The following LRRC27 variants were observed in gnomAD, a reference collection of about 807,000 sequenced individuals.
LRRC27 encodes leucine-rich repeat-containing protein 27.
LRRC27 carries 57 observed loss-of-function variants against 55.0 expected under a neutral mutation model. The observed-to-expected ratio is 1.04, with a 90% CI of 0.84 to 1.29. LRRC27 has a LOEUF of 1.29. LRRC27 is among the 50% of genes most tolerant of loss of function. The pLI, the probability that LRRC27 is intolerant of heterozygous loss-of-function variation, is 0.00. For missense variants in LRRC27, 721 were observed against 651.5 expected, an observed-to-expected ratio of 1.11 and a Z score of -1.16; for synonymous variants, 278 against 251.9, an observed-to-expected ratio of 1.10 and a Z score of -0.98.
chr10:132,355,738 C>T, intron 7 of LRRC27, 52 bp from the exon 8 acceptor site: 1 of 1,335,934 alleles, frequency 7.5e-7, no homozygotes, highest in Non-Finnish European at 1.1e-6. Context: ...AATCCTGTAG[C>T]CTTGGCTCGA....
chr10:132,346,368 CT>C (rs2067687600), intron 5 of LRRC27, among the ~76,000 whole-genome samples: 1 of 152,024 alleles, frequency 6.6e-6, no homozygotes, highest in African/African-American at 2.4e-5. Context: ...GTACTTTGTC[CT>C]TTCAATTACT....
chr10:132,331,802 G>C (rs762276894), upstream of LRRC27: 6 of 1,597,012 alleles, frequency 3.8e-6, no homozygotes, highest in Non-Finnish European at 8.5e-7. Flanking sequence ...GTCTCTACTT[G>C]CCCGTCGACC....
In LRRC27 at chr10:132,351,770, TG is replaced by T; in HGVS notation, c.1073+22del. ...GCAGAGACGGTGAGTCCACACAGGG[TG>T]GGGGTCCGCACAGCCCGCCCAGTGC... is the stretch of plus-strand genomic sequence containing the variant. On this transcript the variant is annotated intron_variant, in intron 7 of 10. Coordinates refer to ENST00000368614, the MANE Select transcript of LRRC27 (RefSeq NM_030626.3). The T allele has an allele frequency of 6.2e-7, 1 of 1,603,458 alleles. No individual in the cohort carries two copies. The highest frequency in any genetic ancestry group is 8.5e-7 in the Non-Finnish European group (1 of 1,174,694).
At chr10:132,364,209 C>T (rs376886268) in intron 9 of LRRC27, among the ~76,000 whole-genome samples, 35 of 151,964 alleles carry the variant, frequency 2.3e-4, no homozygotes, top group African/African-American at 6.3e-4. Flanking sequence ...CAAGCAAAAC[C>T]GGCACAAACC....
chr10:132,380,277 C>T lies in LRRC27; in HGVS notation c.*5035C>T, dbSNP rs181648452. On this transcript the variant is annotated 3_prime_UTR_variant, in exon 11 of 11. Coordinates refer to ENST00000368614, the MANE Select transcript of LRRC27 (RefSeq NM_030626.3). ...CGCCATTGCACTCCAGCCTGGGCAA[C>T]AAGAGCAAAACTCTGTCTCAAAAAA... Among the ~76,000 whole-genome samples the T allele has an allele frequency of 4.3e-3, 623 of 145,926 alleles. 12 individuals carry two copies. The highest frequency in any genetic ancestry group is 9.4e-3 in the East Asian group (48 of 5,114).
chr10:132,345,747 G>C (rs896834860), intron 5 of LRRC27, among the ~76,000 whole-genome samples: 2 of 152,180 alleles, frequency 1.3e-5, no homozygotes, highest in Non-Finnish European at 2.9e-5. Context: ...GGATGGAGGG[G>C]CAGAACCGTC....
At chr10:132,359,192 G>A (rs932363054) in intron 8 of LRRC27, among the ~76,000 whole-genome samples, 4 of 152,054 alleles carry the variant, frequency 2.6e-5, no homozygotes, top group African/African-American at 9.7e-5. Flanking sequence ...GCGTGGGATA[G>A]AGCATGGAGG....
rs1164465808 is a variant in LRRC27, at chr10:132,349,047, A to T, written c.926+691A>T. 8 of 1,606,480 alleles carry T rather than the reference A, an allele frequency of 5.0e-6. 1 individual carries two copies. The Admixed American group carries it at 1.4e-4, about 27-fold the overall frequency. ...TGGGCGTGGTAGGGCGTGCGCCTACACATATGGGAGGTATGTATCTGTGGT... is the reference window on the plus strand; with the variant it reads ...TGGGCGTGGTAGGGCGTGCGCCTACTCATATGGGAGGTATGTATCTGTGGT... On this transcript the variant is annotated intron_variant, in intron 6 of 10. Coordinates refer to ENST00000368614, the MANE Select transcript of LRRC27 (RefSeq NM_030626.3).
rs1403452007 is a variant in LRRC27 at position 132,374,158 on chromosome 10, G to C, written c.1417-908G>C. 7.3e-6 allele frequency among the ~76,000 whole-genome samples: 1 copy of C among 136,160 alleles called. No individual in the cohort carries two copies. Among genetic ancestry groups the C allele is most frequent in the Non-Finnish European group, 1.7e-5 (1 of 59,156 alleles). The allele number at this position is 136,160 out of a possible 152,430, so 89.3% of individuals were successfully genotyped here. On this transcript the variant is annotated intron_variant, in intron 10 of 10. Coordinates refer to ENST00000368614, the MANE Select transcript of LRRC27 (RefSeq NM_030626.3). The surrounding 1 kb of genome is among the most constrained non-coding windows in gnomAD (Gnocchi z 4.4). ...TATGGCTGCATGGTGAGGGGGTGCAGTGGCTCCAGGGACCTGCTGTGATAT... is the reference window on the plus strand; with the variant it reads ...TATGGCTGCATGGTGAGGGGGTGCACTGGCTCCAGGGACCTGCTGTGATAT...
In LRRC27 at chr10:132,333,549, G is replaced by A. The variant is rs779904424; in HGVS notation, c.25G>A (p.Val9Ile). The A allele has an allele frequency of 6.2e-7, 1 of 1,608,282 alleles. No homozygotes were observed. Among genetic ancestry groups the A allele is most frequent in the South Asian group, 1.1e-5 (1 of 90,648 alleles). MEGSSSYE[V>I]PSVAAADLEE... ...GATGGAGGGAAGCAGCTCCTACGAA[G>A]TTCCCTCTGTGGCTGCTGCTGATCT... Residue 9 changes from valine to isoleucine, a missense_variant, in exon 2 of 11, where the codon GTT (valine) becomes ATT (isoleucine). Coordinates refer to ENST00000368614, the MANE Select transcript of LRRC27 (RefSeq NM_030626.3).
chr10:132,336,876 G>T, intron 2 of LRRC27: 1 of 721,184 alleles, frequency 1.4e-6, no homozygotes, highest in Non-Finnish European at 2.5e-6. Context: ...GTAAAAATTA[G>T]CTATGATCCT....
chr10:132,364,362 C>T (rs1421199311), intron 9 of LRRC27, among the ~76,000 whole-genome samples: 1 of 120,846 alleles, frequency 8.3e-6, no homozygotes, highest in Non-Finnish European at 1.7e-5. Context: ...CCTCCACACC[C>T]GCGCTTACAC....
chr10:132,365,226 CG>C (rs1178978914), intron 9 of LRRC27, among the ~76,000 whole-genome samples, 197 bp from the exon 10 acceptor site: 3 of 152,220 alleles, frequency 2.0e-5, no homozygotes, highest in Non-Finnish European at 4.4e-5. Context: ...CCAGGCCCCC[CG>C]GCGTGAGTCT....
intron 6 of LRRC27, chr10:132,351,356 G>A (rs992119125): frequency 1.6e-5 from 7 of 442,036 alleles, no homozygotes; most frequent in Admixed American, 7.1e-5. Flanking sequence ...CGACTGTCAA[G>A]CGTCCCGGGA....
intron 8 of LRRC27, among the ~76,000 whole-genome samples, chr10:132,359,826 T>A (rs1564847749): frequency 6.6e-6 from 1 of 152,268 alleles, no homozygotes; most frequent in Non-Finnish European, 1.5e-5. Context: ...GGGCTTCACG[T>A]CAGTGGCATG....
chr10:132,350,691 C>T (rs2067964125), intron 6 of LRRC27: 1 of 152,578 alleles, frequency 6.6e-6, no homozygotes, highest in African/African-American at 2.4e-5. Flanking sequence ...AGATGTGCTG[C>T]TGGTGTGAGG....
At position 132,351,637 on chromosome 10, in the gene LRRC27, A is replaced by G. The variant is rs1590662156; in HGVS notation, c.957A>G (p.Leu319=). Residue 319 remains leucine, a synonymous_variant, in exon 7 of 11, where the codon TTA becomes TTG. Coordinates refer to ENST00000368614, the MANE Select transcript of LRRC27 (RefSeq NM_030626.3). Reference sequence around the variant, plus strand: ...AGACAGCCTCCTCCAGGAGCATCTTACCCGACCTCTTGTCACCGTACCAAA... The same window carrying G: ...AGACAGCCTCCTCCAGGAGCATCTTGCCCGACCTCTTGTCACCGTACCAAA... ...RRKTASSRSI[L]PDLLSPYQMA... The G allele has an allele frequency of 6.2e-7, 1 of 1,614,108 alleles. No individual in the cohort carries two copies. Among genetic ancestry groups the G allele is most frequent in the East Asian group, 2.2e-5 (1 of 44,874 alleles).
At chr10:132,346,424 C>T (rs1000839532) in intron 5 of LRRC27, among the ~76,000 whole-genome samples, 7 of 152,178 alleles carry the variant, frequency 4.6e-5, no homozygotes, top group Non-Finnish European at 4.4e-5. Context: ...CGCCTGTGAT[C>T]CCAGCACTTT....
chr10:132,365,626 G>C (rs1341363755), intron 10 of LRRC27, 76 bp downstream of exon 10: 2 of 1,535,082 alleles, frequency 1.3e-6, no homozygotes, highest in Non-Finnish European at 1.8e-6. Context: ...TTTTGAGACA[G>C]AGTCTTGTTC....
Sources: gnomAD v4.1 joint callset for allele counts (sites outside exome capture counted in the v4.1 genomes callset) on GRCh38, gnomAD v4.1.1 for gene constraint, Gnocchi (gnomAD v3.1) non-coding constraint, MANE v1.5 for transcripts, NCBI Gene and HGNC (gene_info 2026-07-23, HGNC 2026-07-21) for gene names.